The following CACNB2 variants were observed in gnomAD, a reference collection of about 807,000 sequenced individuals.
CACNB2 encodes the protein voltage-dependent L-type calcium channel subunit beta-2.
Under a neutral mutation model 73.3 loss-of-function variants are expected in CACNB2, and 42 were observed. The ratio of observed to expected loss-of-function variants is 0.57; its 90% CI spans 0.45 to 0.74. The LOEUF is 0.74. Ranked by LOEUF, CACNB2 falls within the 30% of genes least tolerant of loss-of-function variation. The probability of loss-of-function intolerance (pLI) is 0.00; values close to 1 mark genes in which losing one functional copy is unlikely to be tolerated. For missense variants in CACNB2, 940 were observed against 853.0 expected, an observed-to-expected ratio of 1.10 and a Z score of -1.27; for synonymous variants, 348 against 310.3, an observed-to-expected ratio of 1.12 and a Z score of -1.28.
intron 2 of CACNB2, among the ~76,000 whole-genome samples, chr10:18,248,411 G>C (rs1357181380): frequency 6.6e-6 from 1 of 152,138 alleles, no homozygotes; most frequent in Non-Finnish European, 1.5e-5. Context: ...ATTTTTTGAA[G>C]TATTTTGTCA....
chr10:18,197,747 GAAT>G (rs1440550023), intron 2 of CACNB2, among the ~76,000 whole-genome samples: 1 of 152,098 alleles, frequency 6.6e-6, no homozygotes, highest in Non-Finnish European at 1.5e-5. Context: ...GTGACAGGGA[GAAT>G]GGGATTCCTT....
intron 2 of CACNB2, among the ~76,000 whole-genome samples, chr10:18,286,093 T>C (rs2131728490): frequency 6.6e-6 from 1 of 152,342 alleles, no homozygotes; most frequent in South Asian, 2.1e-4. Context: ...CAATTATAAT[T>C]TTGAAGTACC....
intron 3 of CACNB2, among the ~76,000 whole-genome samples, chr10:18,466,313 G>A (rs1297556688): frequency 6.6e-6 from 1 of 152,134 alleles, no homozygotes; most frequent in Non-Finnish European, 1.5e-5. Flanking sequence ...ATAGCTCACT[G>A]CAGCCTCAAA....
intron 2 of CACNB2, among the ~76,000 whole-genome samples, chr10:18,187,594 T>C (rs780350973): frequency 1.6e-4 from 25 of 152,170 alleles, no homozygotes; most frequent in Non-Finnish European, 3.5e-4. Context: ...TCTTTTTTTT[T>C]AACTATCATC....
intron 3 of CACNB2, among the ~76,000 whole-genome samples, chr10:18,478,969 A>T (rs1211350479): frequency 3.3e-5 from 5 of 151,982 alleles, no homozygotes; most frequent in African/African-American, 2.4e-5. Context: ...AGTCGGGAGG[A>T]TCGCTCTAAG....
intron 3 of CACNB2, among the ~76,000 whole-genome samples, chr10:18,413,226 C>T (rs1337748221): frequency 1.3e-5 from 2 of 152,216 alleles, no homozygotes; most frequent in African/African-American, 4.8e-5. Context: ...CCCACCTCAA[C>T]CTCCCAAAGT....
chr10:18,310,605 C>CAAAAAAAAAAAAAAAAAAAAAAT (rs2039920961), intron 2 of CACNB2, among the ~76,000 whole-genome samples: 1 of 36,860 alleles, frequency 2.7e-5, no homozygotes. Context: ...AACTCCATCT[C>CAAAAAAAAAAAAAAAAAAAAAAT]AAAAAAAAAA....
intron 2 of CACNB2, among the ~76,000 whole-genome samples, chr10:18,223,101 A>C (rs1325278085): frequency 2.6e-5 from 4 of 152,180 alleles, no homozygotes; most frequent in African/African-American, 9.7e-5. Flanking sequence ...GGGCATATTT[A>C]TGGGCATGAC....
At chr10:18,495,582 T>TGTGTGTGTGTGTG (rs879828645) in intron 3 of CACNB2, among the ~76,000 whole-genome samples, 144 of 135,484 alleles carry the variant, frequency 1.1e-3, no homozygotes, top group African/African-American at 3.6e-3. Flanking sequence ...TGTGTGTGTG[T>TGTGTGTGTGTGTG]GTGTGTGTGT....
chr10:18,536,299 C>A lies in CACNB2; in HGVS notation c.1302+103C>A, dbSNP rs1457033269. On this transcript the variant is annotated intron_variant, in intron 12 of 13. Coordinates refer to ENST00000324631, the MANE Select transcript of CACNB2 (RefSeq NM_201596.3). ...GGGGGACAAGGTCTTGCTCTGTTGC[C>A]CATGTTGGGAGTGCAGTGGTATGGT... The A allele has an allele frequency of 1.6e-5, 10 of 621,880 alleles. No individual in the cohort carries two copies. In the Admixed American group the frequency reaches 3.3e-4, roughly 20 times the overall value. The allele number at this position is 621,880 out of a possible 1,614,324, so 38.5% of individuals were successfully genotyped here.
At chr10:18,476,269 C>T (rs1374666096) in intron 3 of CACNB2, among the ~76,000 whole-genome samples, 2 of 152,140 alleles carry the variant, frequency 1.3e-5, no homozygotes, top group Non-Finnish European at 2.9e-5. Flanking sequence ...ATTATTGTTA[C>T]AGTGGAGGGT....
At chr10:18,224,935 C>T (rs958661922) in intron 2 of CACNB2, among the ~76,000 whole-genome samples, 11 of 152,178 alleles carry the variant, frequency 7.2e-5, no homozygotes, top group African/African-American at 2.2e-4. Context: ...TGTCAATTTC[C>T]ACTCCCTTTT....
At chr10:18,306,766 TC>T (rs1342874543) in intron 2 of CACNB2, among the ~76,000 whole-genome samples, 2 of 152,212 alleles carry the variant, frequency 1.3e-5, no homozygotes, top group Admixed American at 1.3e-4. Flanking sequence ...CCTTGGGAAG[TC>T]AGCCAGGGAG....
chr10:18,227,491 A>C (rs1011728641), intron 2 of CACNB2, among the ~76,000 whole-genome samples: 35 of 152,214 alleles, frequency 2.3e-4, no homozygotes, highest in African/African-American at 8.4e-4. Context: ...ACGTTATTTC[A>C]ATTCAGTAGT....
In CACNB2 at chr10:18,490,454, C is replaced by G. The variant is rs371726197; in HGVS notation, c.334-7901C>G. On this transcript the variant is annotated intron_variant, in intron 3 of 13. Coordinates refer to ENST00000324631, the MANE Select transcript of CACNB2 (RefSeq NM_201596.3). ...GGCTTGGAACAGGGAGAAGCAAAAA[C>G]TGGTAGAAAAGTCTGACATCACCTC... Among the ~76,000 whole-genome samples the G allele has an allele frequency of 2.0e-5, 3 of 152,058 alleles. No individual in the cohort carries two copies. In the East Asian group the frequency reaches 5.8e-4, roughly 29 times the overall value.
At chr10:18,220,148 TATATATACACAC>T (rs1237214450) in intron 2 of CACNB2, among the ~76,000 whole-genome samples, 1 of 31,030 alleles carries the variant, frequency 3.2e-5, no homozygotes, top group African/African-American at 3.9e-4. Context: ...TATATATATA[TATATATACACAC>T]ACACACACAC....
chr10:18,233,438 G>A (rs1276376735), intron 2 of CACNB2, among the ~76,000 whole-genome samples: 1 of 150,404 alleles, frequency 6.6e-6, no homozygotes. Flanking sequence ...GTCTCTAGTG[G>A]AAACATCTTT....
intron 2 of CACNB2, among the ~76,000 whole-genome samples, chr10:18,306,975 G>A (rs1255464329): frequency 1.3e-5 from 2 of 152,130 alleles, no homozygotes; most frequent in Non-Finnish European, 2.9e-5. Flanking sequence ...GAGGCGGTAA[G>A]GATGATGTCT....
chr10:18,216,537 C>G (rs1564350370), intron 2 of CACNB2, among the ~76,000 whole-genome samples: 1 of 152,160 alleles, frequency 6.6e-6, no homozygotes, highest in South Asian at 2.1e-4. Flanking sequence ...GGCAGTAATA[C>G]AGCTCTAGAA....
Sources: allele counts gnomAD v4.1 joint callset (sites outside exome capture counted in the v4.1 genomes callset), GRCh38; gene constraint gnomAD v4.1.1; transcripts MANE v1.5; gene names NCBI Gene and HGNC (gene_info 2026-07-23, HGNC 2026-07-21).